The following RBFOX1 variants were observed in gnomAD, a reference collection of about 807,000 sequenced individuals.
RBFOX1 encodes the protein RNA binding fox-1 homolog 1.
In RBFOX1, 8 loss-of-function variants were observed where a neutral mutation model predicts 57.7. The ratio of observed to expected loss-of-function variants is 0.14; its 90% CI spans 0.08 to 0.25. The LOEUF (loss-of-function observed/expected upper bound fraction) is 0.25. Among genes scored for constraint, RBFOX1 ranks in the 10% least tolerant of loss-of-function variants. The pLI is 1.00. For missense variants in RBFOX1, 611 were observed against 548.5 expected (o/e 1.11, Z -1.14); for synonymous variants, 326 against 222.4 (o/e 1.47, Z -4.15).
At chr16:5,336,102 C>T (rs1454789176) in intron 1 of RBFOX1, among the ~76,000 whole-genome samples, 1 of 152,110 alleles carries the variant, frequency 6.6e-6, no homozygotes, top group East Asian at 1.9e-4. Context: ...AGTCTGAACT[C>T]CAAATCATTG....
intron 3 of RBFOX1, among the ~76,000 whole-genome samples, chr16:6,871,493 C>G (rs1350998887): frequency 9.2e-5 from 14 of 152,012 alleles, no homozygotes; most frequent in African/African-American, 2.9e-4. Context: ...GCCTCAAAAT[C>G]ACTCTTGACT....
chr16:7,068,137 A>G (rs1185002226), intron 4 of RBFOX1, among the ~76,000 whole-genome samples: 1 of 151,918 alleles, frequency 6.6e-6, no homozygotes, highest in Non-Finnish European at 1.5e-5. Context: ...ATTATCCAGG[A>G]TAATCTCCCT....
At chr16:6,871,984 A>G (rs2060991621) in intron 3 of RBFOX1, among the ~76,000 whole-genome samples, 1 of 143,652 alleles carries the variant, frequency 7.0e-6, no homozygotes, top group Non-Finnish European at 1.5e-5. Context: ...GAGTATGGGG[A>G]TCTCTGAAAC....
intron 4 of RBFOX1, among the ~76,000 whole-genome samples, chr16:7,242,523 C>G (rs1414704242): frequency 2.0e-5 from 3 of 152,144 alleles, no homozygotes; most frequent in Non-Finnish European, 4.4e-5. Context: ...TACACATTGA[C>G]TAAGGAAATG....
intron 14 of RBFOX1, among the ~76,000 whole-genome samples, chr16:7,688,904 G>C (rs1482799907): frequency 6.6e-6 from 1 of 151,984 alleles, no homozygotes; most frequent in Admixed American, 6.6e-5. Context: ...TTACTCCACA[G>C]AGACATCACA....
chr16:5,867,242 A>C, intron 3 of RBFOX1: 1 of 1,113,406 alleles, frequency 9.0e-7, no homozygotes, highest in East Asian at 3.2e-5. Flanking sequence ...TTAAAAAGAC[A>C]ATTAATCCAA....
intron 4 of RBFOX1, among the ~76,000 whole-genome samples, chr16:7,371,512 G>T (rs2097565457): frequency 6.6e-6 from 1 of 152,200 alleles, no homozygotes; most frequent in Non-Finnish European, 1.5e-5. Context: ...AACTCTGGGA[G>T]GATGAGGCAG....
At chr16:7,515,174 C>A (rs539777927) in intron 4 of RBFOX1, among the ~76,000 whole-genome samples, 1 of 151,838 alleles carries the variant, frequency 6.6e-6, no homozygotes, top group Admixed American at 6.6e-5. Context: ...GAAGTGGCAT[C>A]GCTATGAAAT....
chr16:5,626,607 T>A (rs950634933), intron 3 of RBFOX1, among the ~76,000 whole-genome samples: 1 of 152,130 alleles, frequency 6.6e-6, no homozygotes, highest in African/African-American at 2.4e-5. Flanking sequence ...AAATCCTTTG[T>A]TTTCAGCCTC....
At chr16:7,000,985 T>C (rs868833059) in intron 3 of RBFOX1, among the ~76,000 whole-genome samples, 1 of 152,172 alleles carries the variant, frequency 6.6e-6, no homozygotes, top group Non-Finnish European at 1.5e-5. Flanking sequence ...GAAATTTTTA[T>C]CAGTCACTAG....
At chr16:7,127,832 C>A in intron 4 of RBFOX1, among the ~76,000 whole-genome samples, 1 of 152,284 alleles carries the variant, frequency 6.6e-6, no homozygotes, top group East Asian at 1.9e-4. Flanking sequence ...AGGTCGTTTG[C>A]AAGCATATAA....
intron 3 of RBFOX1, among the ~76,000 whole-genome samples, chr16:6,845,504 A>T (rs954047192): frequency 2.0e-5 from 3 of 151,918 alleles, no homozygotes; most frequent in Non-Finnish European, 4.4e-5. Flanking sequence ...GTGCAGTCTT[A>T]TTTCTGAGTT....
In RBFOX1 at chr16:6,764,493, C is replaced by G. The variant is rs113559355; in HGVS notation, c.-16+109843C>G. Among the ~76,000 whole-genome samples, 544 of 152,276 alleles carry G rather than the reference C, an allele frequency of 3.6e-3. 1 individual carries two copies. The highest frequency in any genetic ancestry group is 6.1e-3 in the Non-Finnish European group (413 of 68,024). On this transcript the variant is annotated intron_variant, in intron 3 of 15. Coordinates refer to ENST00000550418, the MANE Select transcript of RBFOX1 (RefSeq NM_018723.4). ...CACCTGTCTCTGTCCATTCATTCAT[C>G]CCACGGATGCTTATTGAATGTCCAC...
In RBFOX1 at chr16:6,506,624, A is replaced by ATTTTT. The variant is rs71145238; in HGVS notation, c.-63-147942_-63-147938dup. On this transcript the variant is annotated intron_variant, in intron 2 of 15. Transcript: ENST00000550418. ...ACGGTAATAACAATCACAGTAGCTAATTTTTTTTTTTTTTTTTTTTTTTTT... is the reference window on the plus strand; with the variant it reads ...ACGGTAATAACAATCACAGTAGCTAATTTTTTTTTTTTTTTTTTTTTTTTTTTTTT... Among the ~76,000 whole-genome samples, 93 of 98,440 alleles carry ATTTTT rather than the reference A, an allele frequency of 9.4e-4. 6 individuals carry two copies. The highest frequency in any genetic ancestry group is 3.5e-3 in the African/African-American group (80 of 22,960). The allele number at this position is 98,440 out of a possible 152,430, so 64.6% of individuals were successfully genotyped here. A position where few individuals can be genotyped will look rare whatever the true frequency, so the allele number is the denominator to read the frequency against.
At chr16:5,867,065 T>C (rs1162159199) in intron 3 of RBFOX1, among the ~76,000 whole-genome samples, 2 of 152,308 alleles carry the variant, frequency 1.3e-5, no homozygotes, top group African/African-American at 4.8e-5. Context: ...TGTTATAATA[T>C]GTTGAAAATA....
At chr16:7,154,212 C>T (rs145772974) in intron 4 of RBFOX1, among the ~76,000 whole-genome samples, 2 of 152,286 alleles carry the variant, frequency 1.3e-5, no homozygotes, top group East Asian at 3.9e-4. Flanking sequence ...TAACCAGGAT[C>T]ATGTTACTGC....
intron 3 of RBFOX1, among the ~76,000 whole-genome samples, chr16:6,664,858 C>T (rs1276774661): frequency 6.6e-6 from 1 of 152,202 alleles, no homozygotes; most frequent in African/African-American, 2.4e-5. Flanking sequence ...AATCCCGGTT[C>T]TGCCCCTTCA....
intron 3 of RBFOX1, among the ~76,000 whole-genome samples, chr16:6,671,916 T>A (rs2098767672): frequency 1.3e-5 from 2 of 152,258 alleles, no homozygotes; most frequent in African/African-American, 4.8e-5. Context: ...CCAAGTTGCC[T>A]TTAAAAACTG....
At chr16:5,791,726 A>G (rs542280826) in intron 3 of RBFOX1, among the ~76,000 whole-genome samples, 1 of 152,216 alleles carries the variant, frequency 6.6e-6, no homozygotes, top group East Asian at 1.9e-4. Context: ...CACACACACA[A>G]AAACCCTCAC....
Sources: allele counts gnomAD v4.1 joint callset (sites outside exome capture counted in the v4.1 genomes callset), GRCh38; gene constraint gnomAD v4.1.1; transcripts MANE v1.5; gene names NCBI Gene and HGNC (gene_info 2026-07-23, HGNC 2026-07-21).